The following TTC13 variants were observed in gnomAD, a reference collection of about 807,000 sequenced individuals.
TTC13 encodes tetratricopeptide repeat protein 13.
A neutral mutation model predicts 120.0 loss-of-function variants in TTC13; 62 were observed. The ratio of observed to expected loss-of-function variants is 0.52; its 90% confidence interval spans 0.42 to 0.64. The LOEUF (loss-of-function observed/expected upper bound fraction) is 0.64, where lower values mean the gene tolerates loss of function less well. Among genes scored for constraint, TTC13 ranks in the 30% least tolerant of loss-of-function variants. The pLI is 0.00. For synonymous variants in TTC13, 384 were observed against 393.5 expected, an observed-to-expected ratio of 0.98 and a Z score of 0.28; for missense variants, 824 against 1,050.2, an observed-to-expected ratio of 0.78 and a Z score of 2.98.
Position 230,931,472 on chromosome 1 carries a change from G to A in TTC13, c.1126C>T (p.Arg376Trp), listed in dbSNP as rs184099283. The change falls in exon 11 of 23, where the codon CGG (arginine) becomes TGG (tryptophan). Residue 376 changes from arginine to tryptophan, a missense_variant and splice_region_variant. Coordinates refer to ENST00000366661, the MANE Select transcript of TTC13 (RefSeq NM_024525.5). Reference sequence around the variant, plus strand: ...TTATATGGCTCTAGCTGCAGACACCGCTGAGGACAAAATGCTGCATTAGTA... The same window carrying A: ...TTATATGGCTCTAGCTGCAGACACCACTGAGGACAAAATGCTGCATTAGTA... ...SLQEALKNFKRCLQLEPYNEV... is the reference protein window; with the variant it reads ...SLQEALKNFKWCLQLEPYNEV... The A allele has an allele frequency of 6.8e-6, 11 of 1,613,728 alleles. No homozygotes were observed. The highest frequency in any genetic ancestry group is 4.4e-5 in the South Asian group (4 of 90,968).
intron 2 of TTC13, 145 bp from the exon 3 acceptor site, chr1:230,958,444 T>A: frequency 2.2e-6 from 2 of 919,348 alleles, no homozygotes; most frequent in Non-Finnish European, 3.2e-6. Context: ...TGTGGGAATG[T>A]TTTACACTTT....
chr1:230,920,755 C>T (rs1672506854), intron 16 of TTC13, among the ~76,000 whole-genome samples, 161 bp from the exon 17 acceptor site: 2 of 152,168 alleles, frequency 1.3e-5, no homozygotes, highest in African/African-American at 4.8e-5. Flanking sequence ...CGGGATAGTT[C>T]AATTCTAATG....
intron 15 of TTC13, among the ~76,000 whole-genome samples, chr1:230,921,712 T>C (rs1672592507): frequency 1.3e-5 from 2 of 152,206 alleles, no homozygotes; most frequent in African/African-American, 4.8e-5. Context: ...ACAGGGCCTA[T>C]TCTGGCATCA....
At chr1:230,909,228 G>A (rs934530074) in intron 20 of TTC13, among the ~76,000 whole-genome samples, 1 of 152,230 alleles carries the variant, frequency 6.6e-6, no homozygotes, top group Non-Finnish European at 1.5e-5. Context: ...TACTGGCCAG[G>A]TGAGGTGGCT....
chr1:230,939,517 G>A (rs772909281), intron 7 of TTC13, 21 bp from the exon 8 acceptor site: 9 of 1,507,190 alleles, frequency 6.0e-6, no homozygotes, highest in South Asian at 4.8e-5. Context: ...GAGAGTGGGG[G>A]GAAAAATAAA....
intron 8 of TTC13, among the ~76,000 whole-genome samples, chr1:230,937,281 T>A (rs760142845): frequency 1.3e-5 from 2 of 152,218 alleles, no homozygotes; most frequent in Non-Finnish European, 2.9e-5. Context: ...ACAGTAACAA[T>A]GTTAAAAGTG....
chr1:230,927,243 T>C (rs993879975), intron 12 of TTC13, among the ~76,000 whole-genome samples: 3 of 152,276 alleles, frequency 2.0e-5, no homozygotes, highest in South Asian at 4.1e-4. Flanking sequence ...GTTCTCTGAA[T>C]AGACACAGGA....
In TTC13 at chr1:230,942,931, C is replaced by A. The variant is rs16853352; in HGVS notation, c.672+875G>T. Among the ~76,000 whole-genome samples, 996 of 152,286 alleles carry A rather than the reference C, an allele frequency of 6.5e-3. 11 individuals carry two copies. Among genetic ancestry groups the A allele is most frequent in the African/African-American group, 0.023 (940 of 41,536 alleles). On this transcript the variant is annotated intron_variant, in intron 6 of 22. Transcript: ENST00000366661. The surrounding 1 kb of genome is among the most constrained non-coding windows in gnomAD (Gnocchi z 4.0). ...GAGCCAGTATTACATGGCATCTTCACCACATATTATCTGTCTCTATGTCAA... is the reference window on the plus strand; with the variant it reads ...GAGCCAGTATTACATGGCATCTTCAACACATATTATCTGTCTCTATGTCAA...
chr1:230,910,746 T>C (rs1671422785), intron 20 of TTC13, among the ~76,000 whole-genome samples: 1 of 152,264 alleles, frequency 6.6e-6, no homozygotes, highest in South Asian at 2.1e-4. Context: ...AGACAACATT[T>C]ATGTTTCTAT....
At chr1:230,939,302 C>A in intron 8 of TTC13, 84 bp downstream of exon 8, 4 of 678,768 alleles carry the variant, frequency 5.9e-6, no homozygotes, top group Non-Finnish European at 9.9e-6. Flanking sequence ...TAATAAATAC[C>A]AGCCATCAAT....
Position 230,945,660 on chromosome 1 carries a change from GA to G in TTC13, c.514-207del, listed in dbSNP as rs576640915. ...TGAAATGTGATAAAAGTTTCATGTT[GA>G]AAAAAATAATAGAGAGAGAAGGGAA... On this transcript the variant is annotated intron_variant, in intron 4 of 22. Transcript: ENST00000366661. Among the ~76,000 whole-genome samples the G allele has an allele frequency of 2.7e-3, 409 of 152,212 alleles. 2 individuals are homozygous for G. The highest frequency in any genetic ancestry group is 9.3e-3 in the African/African-American group (387 of 41,534).
rs1432916459 is a variant in TTC13 at position 230,929,067 on chromosome 1, G to C, written c.1327C>G (p.Leu443Val). ...REYSRYLHAHLDTPLTEYNID... is the reference protein window; with the variant it reads ...REYSRYLHAHVDTPLTEYNID... ...TTATATTCCGTAAGGGGGGTATCAA[G>C]GTGTGCATGAAGATATCGAGAATAC... The change falls in exon 12 of 23, where the codon CTT becomes GTT. Residue 443 changes from leucine to valine, a missense_variant. Physicochemically the swap from Leu to Val is conservative, Grantham distance 32. Transcript: ENST00000366661. 1 of 1,614,006 alleles carries C rather than the reference G, an allele frequency of 6.2e-7. No individual in the cohort carries two copies. The highest frequency in any genetic ancestry group is 1.3e-5 in the African/African-American group (1 of 74,922).
At chr1:230,923,290 C>T (rs1672757710) in intron 15 of TTC13, among the ~76,000 whole-genome samples, 1 of 151,732 alleles carries the variant, frequency 6.6e-6, no homozygotes, top group African/African-American at 2.4e-5. Flanking sequence ...AGCATTTCAC[C>T]CATGTCCCCA....
At chr1:230,945,025 A>C (rs761221417) in intron 5 of TTC13, among the ~76,000 whole-genome samples, 1 of 152,224 alleles carries the variant, frequency 6.6e-6, no homozygotes, top group Non-Finnish European at 1.5e-5. Flanking sequence ...TAAATTTTAC[A>C]TGCCTAAAAA....
At chr1:230,908,866 T>C (rs1306916331) in intron 21 of TTC13, 75 bp from the exon 22 acceptor site, 5 of 1,606,824 alleles carry the variant, frequency 3.1e-6, no homozygotes, top group Admixed American at 3.3e-5. Flanking sequence ...ATGTAACTCG[T>C]GTACCTTAAA....
intron 17 of TTC13, among the ~76,000 whole-genome samples, chr1:230,919,743 G>C (rs1572189754): frequency 6.6e-6 from 1 of 152,172 alleles, no homozygotes; most frequent in Non-Finnish European, 1.5e-5. Context: ...CTTTTAAACT[G>C]TGTCCTTTCT....
intron 12 of TTC13, among the ~76,000 whole-genome samples, chr1:230,926,890 G>C (rs1312623035): frequency 6.6e-6 from 1 of 152,086 alleles, no homozygotes; most frequent in African/African-American, 2.4e-5. Flanking sequence ...CTTGAAATGT[G>C]TGCTCCTGAC....
intron 22 of TTC13, among the ~76,000 whole-genome samples, chr1:230,907,245 T>C (rs1671023109): frequency 6.6e-6 from 1 of 152,184 alleles, no homozygotes; most frequent in African/African-American, 2.4e-5. Flanking sequence ...AGCCAGAGCT[T>C]TGAAAAAGAA....
chr1:230,962,961 T>C (rs1264061953), intron 1 of TTC13, among the ~76,000 whole-genome samples: 1 of 152,168 alleles, frequency 6.6e-6, no homozygotes. Flanking sequence ...AACTGCTTAA[T>C]GAGTAAGGGG....
Sources: allele counts gnomAD v4.1 joint callset (sites outside exome capture counted in the v4.1 genomes callset), GRCh38; gene constraint gnomAD v4.1.1; non-coding constraint Gnocchi (gnomAD v3.1); transcripts MANE v1.5; gene names NCBI Gene and HGNC (gene_info 2026-07-23, HGNC 2026-07-21).